CDC27: variants seen among roughly 807,000 people sequenced by gnomAD.
The protein encoded by CDC27 is cell division cycle 27.
In CDC27, 27 loss-of-function variants were observed where a neutral mutation model predicts 109.7. That is an observed-to-expected ratio of 0.25 (90% CI 0.18 to 0.34). The LOEUF (loss-of-function observed/expected upper bound fraction) is 0.34, where lower values mean the gene tolerates loss of function less well. CDC27 is among the 10% of genes least tolerant of loss of function. CDC27 has a pLI of 1.00. For synonymous variants in CDC27, 266 were observed against 333.9 expected (o/e 0.80, Z 2.22); for missense variants, 579 against 960.2 (o/e 0.60, Z 5.25).
intron 8 of CDC27, 60 bp from the exon 9 acceptor site, chr17:47,151,978 G>T (rs371748410): frequency 6.1e-6 from 9 of 1,486,464 alleles, no homozygotes; most frequent in African/African-American, 1.4e-5. Flanking sequence ...AATGATAAAA[G>T]ACAACACAAC....
At chr17:47,153,246 C>A (rs1257190365) in intron 8 of CDC27, among the ~76,000 whole-genome samples, 2 of 152,174 alleles carry the variant, frequency 1.3e-5, no homozygotes, top group Non-Finnish European at 1.5e-5. Context: ...AAGAGGAGAA[C>A]AGAGGCAGAA....
At chr17:47,173,306 G>A (rs1239956909) in intron 2 of CDC27, among the ~76,000 whole-genome samples, 1 of 151,272 alleles carries the variant, frequency 6.6e-6, no homozygotes, top group African/African-American at 2.4e-5. Flanking sequence ...ATAATAAATA[G>A]TAAATGATAA....
At chr17:47,166,021 G>A (rs554493288) in intron 4 of CDC27, among the ~76,000 whole-genome samples, 11 of 152,248 alleles carry the variant, frequency 7.2e-5, no homozygotes, top group Middle Eastern at 3.4e-3. Context: ...GGCTCAAATA[G>A]TAATTCTAGT....
intron 4 of CDC27, among the ~76,000 whole-genome samples, chr17:47,166,019 T>C (rs534183410): frequency 3.3e-5 from 5 of 152,336 alleles, no homozygotes; most frequent in South Asian, 2.1e-4. Context: ...CTGGCTCAAA[T>C]AGTAATTCTA....
At chr17:47,132,062 G>T in intron 15 of CDC27, among the ~76,000 whole-genome samples, 195 bp downstream of exon 15, 1 of 133,190 alleles carries the variant, frequency 7.5e-6, no homozygotes. Flanking sequence ...GCAATGAAGT[G>T]ACTTGTGCAA....
intron 14 of CDC27, among the ~76,000 whole-genome samples, chr17:47,132,988 C>CAT (rs1158266100): frequency 0.026 from 1,071 of 40,626 alleles, 22 homozygotes; most frequent in Non-Finnish European, 0.031. Flanking sequence ...TGCCCAGGCG[C>CAT]ATATATATAT....
intron 7 of CDC27, 176 bp downstream of exon 7, chr17:47,156,737 C>T (rs1303524140): frequency 2.2e-5 from 9 of 408,442 alleles, no homozygotes; most frequent in South Asian, 7.3e-5. Flanking sequence ...CATGAGCCAC[C>T]GCACCTGGCA....
intron 4 of CDC27, among the ~76,000 whole-genome samples, chr17:47,165,268 T>C (rs983387402): frequency 6.6e-6 from 1 of 152,220 alleles, no homozygotes; most frequent in Non-Finnish European, 1.5e-5. Context: ...AAAGTTGCTA[T>C]GAACTCCTGT....
intron 2 of CDC27, among the ~76,000 whole-genome samples, chr17:47,177,329 C>G (rs1367256321): frequency 6.6e-6 from 1 of 152,196 alleles, no homozygotes; most frequent in Non-Finnish European, 1.5e-5. Context: ...GTATTCCCAG[C>G]ACTTTGGGAG....
chr17:47,136,199 T>C (rs567417932), intron 14 of CDC27, among the ~76,000 whole-genome samples: 3 of 152,114 alleles, frequency 2.0e-5, no homozygotes, highest in African/African-American at 7.2e-5. Context: ...ACAGAGAACA[T>C]AGCTATCGGA....
chr17:47,164,483 T>C (rs2063586281), intron 4 of CDC27, among the ~76,000 whole-genome samples: 1 of 152,196 alleles, frequency 6.6e-6, no homozygotes, highest in Non-Finnish European at 1.5e-5. Context: ...GACATAACCA[T>C]AGTACAGTTA....
At chr17:47,171,382 G>A (rs879802887) in intron 3 of CDC27, among the ~76,000 whole-genome samples, 1 of 152,256 alleles carries the variant, frequency 6.6e-6, no homozygotes, top group Admixed American at 6.5e-5. Context: ...TTACACATGT[G>A]ACCGTTTAGT....
At chr17:47,164,439 T>C (rs1401372708) in intron 4 of CDC27, among the ~76,000 whole-genome samples, 1 of 152,252 alleles carries the variant, frequency 6.6e-6, no homozygotes, top group Non-Finnish European at 1.5e-5. Flanking sequence ...ACAGTTCCCA[T>C]GTACCCTACA....
intron 1 of CDC27, among the ~76,000 whole-genome samples, chr17:47,187,754 C>A (rs1255181002): frequency 4.0e-5 from 6 of 149,090 alleles, no homozygotes; most frequent in Non-Finnish European, 7.4e-5. Context: ...GAATATGCAA[C>A]AGAAATTAAA....
chr17:47,154,650 C>A lies in CDC27; in HGVS notation c.957+22G>T. The A allele has an allele frequency of 3.2e-6, 4 of 1,260,380 alleles. No individual in the cohort carries two copies. In the East Asian group the frequency reaches 7.0e-5, roughly 22 times the overall value. 78.1% of individuals were successfully genotyped at this position (1,260,380 alleles called of 1,614,324 possible). On this transcript the variant is annotated intron_variant, in intron 8 of 18. Transcript: ENST00000066544. The stretch of plus-strand genomic sequence containing the variant: ...CAAGTTGCTTTAATCAATTCCCAAA[C>A]TGCATTTTACATGGAAAATACCTTT...
At chr17:47,188,493 C>T (rs1220646613) in intron 1 of CDC27, among the ~76,000 whole-genome samples, 1 of 152,100 alleles carries the variant, frequency 6.6e-6, no homozygotes, top group African/African-American at 2.4e-5. Flanking sequence ...TGATCCCCAT[C>T]AGAGAGGATG....
intron 4 of CDC27, among the ~76,000 whole-genome samples, chr17:47,166,005 A>G (rs2063632301): frequency 6.6e-6 from 1 of 152,208 alleles, no homozygotes; most frequent in African/African-American, 2.4e-5. Flanking sequence ...CACAAGTGGA[A>G]TTACTGGCTC....
intron 5 of CDC27, among the ~76,000 whole-genome samples, chr17:47,157,632 G>A (rs1026492760): frequency 5.3e-5 from 8 of 151,964 alleles, no homozygotes; most frequent in Admixed American, 1.3e-4. Flanking sequence ...ATAACAAATC[G>A]CAGAAAAATG....
At position 47,122,368 on chromosome 17, in the gene CDC27, A is replaced by G. The variant is rs570175208; in HGVS notation, c.2392+76T>C. On this transcript the variant is annotated intron_variant, in intron 18 of 18. Transcript: ENST00000066544. ...GAAAACACCATGGTTAGAAAAATAA[A>G]ATAAAAGAGTAGCCTACAAATCCTT... 25 of 1,048,936 alleles carry G rather than the reference A, an allele frequency of 2.4e-5. 1 individual carries two copies. Among genetic ancestry groups the G allele is most frequent in the Admixed American group, 5.2e-5 (2 of 38,510 alleles). 65.0% of individuals were successfully genotyped at this position (1,048,936 alleles called of 1,614,324 possible).
Sources: allele counts gnomAD v4.1 joint callset (sites outside exome capture counted in the v4.1 genomes callset), GRCh38; gene constraint gnomAD v4.1.1; transcripts MANE v1.5; gene names NCBI Gene and HGNC (gene_info 2026-07-23, HGNC 2026-07-21).